The following CUL3 variants were observed in gnomAD, a reference collection of about 807,000 sequenced individuals.
CUL3 encodes cullin-3.
In CUL3, 19 loss-of-function variants were observed where a neutral mutation model predicts 89.1. The ratio of observed to expected loss-of-function variants is 0.21; its 90% CI spans 0.15 to 0.31. The LOEUF is 0.31. Ranked by LOEUF, CUL3 falls within the 10% of genes least tolerant of loss-of-function variation. The probability of loss-of-function intolerance (pLI) is 1.00; values close to 1 mark genes in which losing one functional copy is unlikely to be tolerated. For synonymous variants in CUL3, 351 were observed against 308.4 expected (o/e 1.14, Z -1.45); for missense variants, 469 against 942.3 (o/e 0.50, Z 6.58).
intron 1 of CUL3, among the ~76,000 whole-genome samples, chr2:224,582,941 C>T (rs1458582378): frequency 6.6e-6 from 1 of 152,144 alleles, no homozygotes; most frequent in Non-Finnish European, 1.5e-5. Context: ...CATACATTAA[C>T]GTACAACTGG....
chr2:224,584,889 C>A, intron 1 of CUL3, 55 bp downstream of exon 1: 7 of 1,346,984 alleles, frequency 5.2e-6, no homozygotes, highest in Non-Finnish European at 6.0e-6. Context: ...GCCTCGCGTG[C>A]GGCTCTCGGC....
chr2:224,516,742 G>A (rs910948234), intron 3 of CUL3, among the ~76,000 whole-genome samples: 4 of 149,936 alleles, frequency 2.7e-5, no homozygotes, highest in Non-Finnish European at 5.9e-5. Context: ...TACCTCCCAG[G>A]TTCAAGTGAT....
At chr2:224,503,297 A>G (rs747044951) in intron 9 of CUL3, among the ~76,000 whole-genome samples, 1 of 152,210 alleles carries the variant, frequency 6.6e-6, no homozygotes, top group Non-Finnish European at 1.5e-5. Context: ...GGCAGGGCCC[A>G]GAACTGTTTT....
chr2:224,557,023 T>G (rs1215691017), intron 2 of CUL3, among the ~76,000 whole-genome samples: 1 of 152,140 alleles, frequency 6.6e-6, no homozygotes, highest in African/African-American at 2.4e-5. Context: ...GTGTGGTATT[T>G]CACATTTTAT....
chr2:224,481,724 T>C (rs999246467), intron 14 of CUL3, among the ~76,000 whole-genome samples, 168 bp downstream of exon 14: 9 of 152,164 alleles, frequency 5.9e-5, no homozygotes, highest in Non-Finnish European at 1.3e-4. Context: ...TGGATTCAAA[T>C]GCATTTTGAT....
chr2:224,542,180 A>G (rs1694135087), intron 2 of CUL3, among the ~76,000 whole-genome samples: 1 of 152,216 alleles, frequency 6.6e-6, no homozygotes, highest in Non-Finnish European at 1.5e-5. Context: ...GAATTGTTAA[A>G]CAATTTGAGT....
chr2:224,482,148 T>C, intron 13 of CUL3, 70 bp from the exon 14 acceptor site: 1 of 1,225,160 alleles, frequency 8.2e-7, no homozygotes, highest in Non-Finnish European at 1.1e-6. Context: ...GCAAGTAAAC[T>C]GACCAAGCAG....
At chr2:224,491,910 A>C (rs1453137290) in intron 13 of CUL3, among the ~76,000 whole-genome samples, 1 of 152,164 alleles carries the variant, frequency 6.6e-6, no homozygotes. Context: ...CTTTTCAAAA[A>C]GTTTTCCTAT....
At chr2:224,499,090 T>C (rs892798111) in intron 11 of CUL3, among the ~76,000 whole-genome samples, 1 of 152,214 alleles carries the variant, frequency 6.6e-6, no homozygotes, top group Non-Finnish European at 1.5e-5. Flanking sequence ...ACCAAAAATA[T>C]CTTTAGTTTC....
intron 2 of CUL3, among the ~76,000 whole-genome samples, chr2:224,557,167 ATTT>A: frequency 6.6e-6 from 1 of 152,266 alleles, no homozygotes; most frequent in South Asian, 2.1e-4. Flanking sequence ...TCAGAGAACC[ATTT>A]TTAATAATGT....
intron 13 of CUL3, among the ~76,000 whole-genome samples, chr2:224,490,918 T>C (rs1007372764): frequency 2.6e-5 from 4 of 152,176 alleles, no homozygotes; most frequent in Non-Finnish European, 5.9e-5. Flanking sequence ...GATGTGATTA[T>C]TACACACTAT....
chr2:224,512,027 C>T (rs1211030009), intron 5 of CUL3, among the ~76,000 whole-genome samples: 2 of 152,154 alleles, frequency 1.3e-5, no homozygotes, highest in Non-Finnish European at 2.9e-5. Context: ...CCATCCCACT[C>T]CCAGTCTCAA....
intron 3 of CUL3, among the ~76,000 whole-genome samples, chr2:224,525,687 A>G (rs1172850809): frequency 2.6e-5 from 4 of 152,242 alleles, no homozygotes; most frequent in Admixed American, 1.3e-4. Context: ...CACCAAAGGT[A>G]AAAGTATTAT....
intron 13 of CUL3, among the ~76,000 whole-genome samples, chr2:224,491,078 C>T (rs1691954888): frequency 6.6e-6 from 1 of 152,164 alleles, no homozygotes; most frequent in African/African-American, 2.4e-5. Flanking sequence ...ACCTAAGACC[C>T]ATCCCTTTTC....
intron 1 of CUL3, among the ~76,000 whole-genome samples, chr2:224,570,946 A>G (rs1002754757): frequency 6.6e-6 from 1 of 152,218 alleles, no homozygotes; most frequent in Non-Finnish European, 1.5e-5. Context: ...GTCACAGAGC[A>G]ATTGAGCTAA....
At chr2:224,569,574 G>C (rs759858548) in intron 1 of CUL3, 2 of 370,698 alleles carry the variant, frequency 5.4e-6, no homozygotes. Context: ...AATCTATAAT[G>C]GTCTTTGTTT....
chr2:224,525,294 C>A (rs1237797077), intron 3 of CUL3, among the ~76,000 whole-genome samples: 1 of 152,162 alleles, frequency 6.6e-6, no homozygotes, highest in Non-Finnish European at 1.5e-5. Context: ...AAATTTGAAT[C>A]AAAAATCAAA....
At chr2:224,521,701 C>T (rs1159812977) in intron 3 of CUL3, among the ~76,000 whole-genome samples, 3 of 151,984 alleles carry the variant, frequency 2.0e-5, no homozygotes, top group South Asian at 2.1e-4. Context: ...ACTTTTACTA[C>T]TACTCCTAAT....
chr2:224,497,571 G>C (rs540146629), intron 12 of CUL3, among the ~76,000 whole-genome samples, 182 bp downstream of exon 12: 1 of 152,008 alleles, frequency 6.6e-6, no homozygotes, highest in African/African-American at 2.4e-5. Flanking sequence ...TATTTTCAAA[G>C]GTGCAGTTAG....
Sources: gnomAD v4.1 joint callset for allele counts (sites outside exome capture counted in the v4.1 genomes callset) on GRCh38, gnomAD v4.1.1 for gene constraint, MANE v1.5 for transcripts, NCBI Gene and HGNC (gene_info 2026-07-23, HGNC 2026-07-21) for gene names.